Variants in EPB41L4B observed in about 807,000 individuals in gnomAD.
EPB41L4B encodes the protein erythrocyte membrane protein band 4.1 like 4B.
A neutral mutation model predicts 112.5 loss-of-function variants in EPB41L4B; 30 were observed. That is an observed-to-expected ratio of 0.27 (90% CI 0.20 to 0.36). EPB41L4B has a LOEUF of 0.36. EPB41L4B is among the 10% of genes least tolerant of loss of function. The probability of loss-of-function intolerance (pLI) is 1.00; values close to 1 mark genes in which losing one functional copy is unlikely to be tolerated. For missense variants in EPB41L4B, 1,024 were observed against 1,133.3 expected (o/e 0.90, Z 1.38); for synonymous variants, 408 against 439.7 (o/e 0.93, Z 0.90).
At chr9:109,279,767 T>C (rs1478515864) in intron 2 of EPB41L4B, 50 bp downstream of exon 2, 1 of 1,471,254 alleles carries the variant, frequency 6.8e-7, no homozygotes, top group South Asian at 1.2e-5. Flanking sequence ...GACGTGCAAT[T>C]AGCAATGAAA....
At chr9:109,226,889 G>A (rs1410793877) in intron 15 of EPB41L4B, among the ~76,000 whole-genome samples, 13 of 151,286 alleles carry the variant, frequency 8.6e-5, no homozygotes, top group Admixed American at 8.6e-4. Flanking sequence ...CCAGGCAAGA[G>A]TGCAGTGGCA....
intron 1 of EPB41L4B, among the ~76,000 whole-genome samples, chr9:109,309,637 T>C (rs932183625): frequency 1.3e-5 from 2 of 152,160 alleles, no homozygotes; most frequent in African/African-American, 4.8e-5. Context: ...CAGCAGCTCA[T>C]GCCTATAATG....
intron 1 of EPB41L4B, among the ~76,000 whole-genome samples, chr9:109,299,645 C>T (rs192280300): frequency 4.6e-5 from 7 of 152,152 alleles, no homozygotes; most frequent in Non-Finnish European, 1.0e-4. Context: ...GTGCACAGAT[C>T]ATACATGTAC....
At chr9:109,239,943 G>A in intron 15 of EPB41L4B, 1 of 985,364 alleles carries the variant, frequency 1.0e-6, no homozygotes. Flanking sequence ...CACCAGAGTT[G>A]CCCCAGATGA....
In EPB41L4B at chr9:109,173,235, G is replaced by A. The variant is rs1175693307; in HGVS notation, c.*1319C>T. 6.6e-6 allele frequency: 1 copy of A among 152,646 alleles called. No individual in the cohort carries two copies. Among genetic ancestry groups the A allele is most frequent in the East Asian group, 1.9e-4 (1 of 5,204 alleles). 9.5% of individuals were successfully genotyped at this position (152,646 alleles called of 1,614,324 possible). ...ATTGTCGAGGGGATTCAAGCATTCA[G>A]AGGGGGTGGGGAGGCTAAACTAGAT... is the stretch of plus-strand genomic sequence containing the variant. On this transcript the variant is annotated 3_prime_UTR_variant, in exon 26 of 26. Coordinates refer to ENST00000374566, the MANE Select transcript of EPB41L4B (RefSeq NM_019114.5).
intron 1 of EPB41L4B, among the ~76,000 whole-genome samples, chr9:109,288,337 G>A (rs1327060693): frequency 6.6e-6 from 1 of 152,074 alleles, no homozygotes; most frequent in African/African-American, 2.4e-5. Context: ...AATCCCAATA[G>A]TTTGGGAGGC....
chr9:109,214,107 C>T (rs1833280032), intron 16 of EPB41L4B, among the ~76,000 whole-genome samples: 1 of 152,150 alleles, frequency 6.6e-6, no homozygotes, highest in Non-Finnish European at 1.5e-5. Flanking sequence ...ACTTACCTTG[C>T]AGGGTTGCTG....
rs3842633 is a variant in EPB41L4B at position 109,194,484 on chromosome 9, A to AAG, written c.2046-89_2046-88dup. ...TGGACGGAGGATGGGCAGGGGTGGGAAGACCAGGGATGGGGATTGGGGGTT... is the reference window on the plus strand; with the variant it reads ...TGGACGGAGGATGGGCAGGGGTGGGAAGAGACCAGGGATGGGGATTGGGGGTT... On this transcript the variant is annotated intron_variant, in intron 20 of 25. Transcript: ENST00000374566. The AAG allele has an allele frequency of 5.5e-4, 773 of 1,417,654 alleles. 13 individuals are homozygous for AAG. The East Asian group carries it at 0.015, about 27-fold the overall frequency. The allele number at this position is 1,417,654 out of a possible 1,614,324, so 87.8% of individuals were successfully genotyped here. A position where few individuals can be genotyped will look rare whatever the true frequency, so the allele number is the denominator to read the frequency against.
chr9:109,205,576 A>C (rs149213155), intron 18 of EPB41L4B, among the ~76,000 whole-genome samples: 1 of 152,332 alleles, frequency 6.6e-6, no homozygotes, highest in African/African-American at 2.4e-5. Flanking sequence ...AGAATTTGTG[A>C]CTATAACCTT....
At chr9:109,208,485 T>C (rs962985776) in intron 17 of EPB41L4B, among the ~76,000 whole-genome samples, 1 of 152,228 alleles carries the variant, frequency 6.6e-6, no homozygotes, top group Non-Finnish European at 1.5e-5. Context: ...ACAACAAATC[T>C]TGCAGAAAAT....
chr9:109,254,824 A>G (rs922867091), intron 11 of EPB41L4B, among the ~76,000 whole-genome samples: 3 of 152,218 alleles, frequency 2.0e-5, no homozygotes, highest in African/African-American at 7.2e-5. Flanking sequence ...AGATTCAAAT[A>G]TCTACTCATC....
intron 22 of EPB41L4B, among the ~76,000 whole-genome samples, chr9:109,188,352 C>T (rs1832341951): frequency 6.6e-6 from 1 of 152,104 alleles, no homozygotes; most frequent in African/African-American, 2.4e-5. Context: ...TGCCAACCCC[C>T]TCAGGTAGAG....
intron 18 of EPB41L4B, 77 bp from the exon 19 acceptor site, chr9:109,203,807 C>G: frequency 8.3e-7 from 1 of 1,210,006 alleles, no homozygotes; most frequent in Non-Finnish European, 1.2e-6. Context: ...CTCTTACATT[C>G]AAAAGATTAT....
intron 1 of EPB41L4B, among the ~76,000 whole-genome samples, chr9:109,298,884 A>C (rs1405901080): frequency 6.6e-6 from 1 of 152,198 alleles, no homozygotes; most frequent in African/African-American, 2.4e-5. Flanking sequence ...TTACAAAAAA[A>C]AGTACACCAT....
Position 109,185,586 on chromosome 9 carries a change from G to C in EPB41L4B, c.2321C>G (p.Pro774Arg), listed in dbSNP as rs1178688092. The C allele has an allele frequency of 2.5e-6, 4 of 1,611,296 alleles. No homozygotes were observed. The African/African-American group carries it at 5.3e-5, about 22-fold the overall frequency. Residue 774 changes from proline to arginine, a missense_variant, in exon 23 of 26, where the codon CCC becomes CGC. Physicochemically the swap from Pro to Arg is moderately radical, Grantham distance 103. Coordinates refer to ENST00000374566, the MANE Select transcript of EPB41L4B (RefSeq NM_019114.5). ...ATPLAEPASNPHCAHSRCSPP... is the reference protein window; with the variant it reads ...ATPLAEPASNRHCAHSRCSPP... ...AGAACAGCGAGAGTGGGCACAGTGG[G>C]GGTTGCTGGCGGGCTCTGCCTGCTC... is the stretch of plus-strand genomic sequence containing the variant.
chr9:109,252,940 G>T (rs369674916), intron 12 of EPB41L4B, among the ~76,000 whole-genome samples: 1 of 152,106 alleles, frequency 6.6e-6, no homozygotes, highest in African/African-American at 2.4e-5. Flanking sequence ...AAAGGGGAAG[G>T]GGGCAGGCAT....
At chr9:109,181,429 C>T (rs950450656) in intron 24 of EPB41L4B, among the ~76,000 whole-genome samples, 1 of 152,330 alleles carries the variant, frequency 6.6e-6, no homozygotes, top group East Asian at 1.9e-4. Context: ...ACAATCATAA[C>T]TGACAGGTGT....
chr9:109,229,868 C>T (rs1242300108), intron 15 of EPB41L4B, among the ~76,000 whole-genome samples: 9 of 152,142 alleles, frequency 5.9e-5, no homozygotes, highest in South Asian at 2.1e-4. Flanking sequence ...GCATGCTATA[C>T]GTCACTTTCT....
At chr9:109,280,805 GA>G (rs112970575) in intron 1 of EPB41L4B, among the ~76,000 whole-genome samples, 2,537 of 137,992 alleles carry the variant, frequency 0.018, 55 homozygotes, top group East Asian at 0.11. Flanking sequence ...TAATCACAAA[GA>G]AAAAAAAAAA....
Sources: allele counts gnomAD v4.1 joint callset (sites outside exome capture counted in the v4.1 genomes callset), GRCh38; gene constraint gnomAD v4.1.1; transcripts MANE v1.5; gene names NCBI Gene and HGNC (gene_info 2026-07-23, HGNC 2026-07-21).